The following CAST variants were observed in gnomAD, a reference collection of about 807,000 sequenced individuals.
CAST encodes the protein MIR583 host.
CAST carries 76 observed loss-of-function variants against 119.6 expected under a neutral mutation model. That is an observed-to-expected ratio of 0.64 (90% confidence interval 0.53 to 0.77). CAST has a LOEUF of 0.77. Ranked by LOEUF, CAST falls within the 30% of genes least tolerant of loss-of-function variation. CAST has a pLI of 0.00. For missense variants in CAST, 953 were observed against 946.5 expected (o/e 1.01, Z -0.09); for synonymous variants, 319 against 331.6 (o/e 0.96, Z 0.41).
the CAST span, among the ~76,000 whole-genome samples, chr5:96,188,978 G>A: frequency 6.6e-6 from 1 of 151,986 alleles, no homozygotes; most frequent in African/African-American, 2.4e-5. Context: ...TTTTCTGGTT[G>A]AGAGAAGAAA....
chr5:96,412,945 C>A, the CAST span: 2,462 of 1,026,842 alleles, frequency 2.4e-3, 47 homozygotes, highest in African/African-American at 0.041. Flanking sequence ...ACCCTCCAAG[C>A]AGCCCTCTGG....
rs79266582 is a variant in CAST, at chr5:96,577,805, G to A, written c.60+47925G>A. Among the ~76,000 whole-genome samples, 702 of 152,158 alleles carry A rather than the reference G, an allele frequency of 4.6e-3. 6 individuals carry two copies. Among genetic ancestry groups the A allele is most frequent in the Admixed American group, 9.2e-3 (140 of 15,280 alleles). On this transcript the variant is annotated intron_variant, in intron 1 of 11. Transcript: ENST00000505143. ...ATGGTCCAGCATACAGTTTGTCTTAGTATATGTTCTGTGTTCTCTTGAAAA... is the reference window on the plus strand; with the variant it reads ...ATGGTCCAGCATACAGTTTGTCTTAATATATGTTCTGTGTTCTCTTGAAAA...
At chr5:96,189,504 T>A in the CAST span, among the ~76,000 whole-genome samples, 6 of 152,220 alleles carry the variant, frequency 3.9e-5, no homozygotes, top group East Asian at 1.2e-3. Flanking sequence ...AGTGGCCTTT[T>A]CAGTTTGATA....
the CAST span, among the ~76,000 whole-genome samples, chr5:96,403,166 T>C: frequency 6.6e-6 from 1 of 152,224 alleles, no homozygotes; most frequent in Non-Finnish European, 1.5e-5. Context: ...TTATTTTATA[T>C]GCAGTTGCAG....
intron 1 of CAST, among the ~76,000 whole-genome samples, chr5:96,643,427 A>G (rs1465391217): frequency 2.0e-5 from 3 of 152,190 alleles, no homozygotes; most frequent in African/African-American, 7.2e-5. Context: ...GAGGATAGGA[A>G]GGTGATAGCT....
chr5:96,522,262 G>T (rs1432979537), upstream of CAST, among the ~76,000 whole-genome samples: 2 of 152,170 alleles, frequency 1.3e-5, no homozygotes, highest in African/African-American at 2.4e-5. Context: ...AAACACATTT[G>T]CTTTCTTGGC....
intron 2 of CAST, among the ~76,000 whole-genome samples, chr5:96,686,080 G>C (rs1752046461): frequency 6.6e-6 from 1 of 152,024 alleles, no homozygotes; most frequent in Non-Finnish European, 1.5e-5. Context: ...AGTGGACCTT[G>C]TGGGAGGCTT....
At chr5:96,494,069 A>G in the CAST span, among the ~76,000 whole-genome samples, 1 of 152,124 alleles carries the variant, frequency 6.6e-6, no homozygotes, top group Non-Finnish European at 1.5e-5. Context: ...AAATAAATAA[A>G]CTTATTCTAA....
intron 13 of CAST, chr5:96,741,025 T>G (rs1219570960): frequency 1.7e-6 from 1 of 595,960 alleles, no homozygotes; most frequent in African/African-American, 1.9e-5. Context: ...TAGAATATTA[T>G]GCATGTTCAT....
chr5:96,447,942 T>G, the CAST span, among the ~76,000 whole-genome samples: 1 of 151,818 alleles, frequency 6.6e-6, no homozygotes, highest in Non-Finnish European at 1.5e-5. Context: ...CTAGAACAGC[T>G]CTGTCCTACA....
In CAST at chr5:96,541,201, C is replaced by A. The variant is rs1047400910; in HGVS notation, c.60+11321C>A. 2.0e-5 allele frequency among the ~76,000 whole-genome samples: 3 copies of A among 152,196 alleles called. No homozygotes were observed. In the South Asian group the frequency reaches 6.2e-4, roughly 32 times the overall value. Reference sequence around the variant, plus strand: ...TGTATCATTATGGTCTCATGAATATCTATTTTATATTTTAGATTATAATCC... The same window carrying A: ...TGTATCATTATGGTCTCATGAATATATATTTTATATTTTAGATTATAATCC... On this transcript the variant is annotated intron_variant, in intron 1 of 11. Coordinates refer to the CAST transcript ENST00000505143.
At chr5:96,340,811 G>A in the CAST span, among the ~76,000 whole-genome samples, 2 of 152,096 alleles carry the variant, frequency 1.3e-5, no homozygotes, top group African/African-American at 2.4e-5. Flanking sequence ...CAAGCTCTAC[G>A]CAGTATATAC....
chr5:96,341,942 A>G, the CAST span, among the ~76,000 whole-genome samples: 1 of 152,208 alleles, frequency 6.6e-6, no homozygotes, highest in Non-Finnish European at 1.5e-5. Flanking sequence ...ACCAAAAATT[A>G]CCTTTACCTT....
the CAST span, among the ~76,000 whole-genome samples, chr5:96,362,502 C>G: frequency 3.3e-5 from 5 of 152,240 alleles, no homozygotes; most frequent in Middle Eastern, 3.4e-3. Flanking sequence ...CCTGTTGTTT[C>G]CTGACTTTTG....
At chr5:96,354,963 A>C in the CAST span, among the ~76,000 whole-genome samples, 2 of 152,036 alleles carry the variant, frequency 1.3e-5, no homozygotes, top group South Asian at 4.2e-4. Flanking sequence ...GTCAGTACAG[A>C]TTTCAAAAAT....
the CAST span, among the ~76,000 whole-genome samples, chr5:96,221,559 A>G: frequency 6.6e-6 from 1 of 152,196 alleles, no homozygotes; most frequent in African/African-American, 2.4e-5. Context: ...CAAGGCAGTC[A>G]AAGATTGCTA....
chr5:96,470,915 A>G, the CAST span, among the ~76,000 whole-genome samples: 1 of 152,206 alleles, frequency 6.6e-6, no homozygotes, highest in African/African-American at 2.4e-5. Flanking sequence ...GATGTTGCAA[A>G]TTGTTGAGAT....
intron 18 of CAST, 27 bp from the exon 19 acceptor site, chr5:96,748,491 T>C: frequency 8.8e-7 from 1 of 1,142,034 alleles, no homozygotes; most frequent in Admixed American, 2.1e-5. Context: ...AGTCCCCTTG[T>C]AATATACAGC....
the CAST span, among the ~76,000 whole-genome samples, chr5:96,433,693 A>T: frequency 6.6e-6 from 1 of 152,150 alleles, no homozygotes; most frequent in East Asian, 1.9e-4. Context: ...TTTCAAAGAG[A>T]GAGGCTAGGA....
Sources: allele counts gnomAD v4.1 joint callset (sites outside exome capture counted in the v4.1 genomes callset), GRCh38; gene constraint gnomAD v4.1.1; transcripts MANE v1.5; gene names NCBI Gene and HGNC (gene_info 2026-07-23, HGNC 2026-07-21).